Variants in PAPSS1 observed in about 807,000 individuals in gnomAD.
PAPSS1 encodes bifunctional 3'-phosphoadenosine 5'-phosphosulfate synthase 1.
PAPSS1 carries 50 observed loss-of-function variants against 72.0 expected under a neutral mutation model. The ratio of observed to expected loss-of-function variants is 0.69; its 90% CI spans 0.55 to 0.88. The LOEUF is 0.88. Among genes scored for constraint, PAPSS1 ranks in the 40% least tolerant of loss-of-function variants. PAPSS1 has a pLI of 0.00. For synonymous variants in PAPSS1, 261 were observed against 263.6 expected (o/e 0.99, Z 0.09); for missense variants, 657 against 782.2 (o/e 0.84, Z 1.91).
intron 10 of PAPSS1, among the ~76,000 whole-genome samples, chr4:107,632,105 G>A (rs188234602): frequency 6.6e-6 from 1 of 151,960 alleles, no homozygotes; most frequent in Non-Finnish European, 1.5e-5. Context: ...ATATATTTAT[G>A]TATTACTTAT....
At chr4:107,686,113 C>A (rs1466193956) in intron 4 of PAPSS1, among the ~76,000 whole-genome samples, 3 of 152,172 alleles carry the variant, frequency 2.0e-5, no homozygotes, top group Non-Finnish European at 1.5e-5. Flanking sequence ...AAGGCCAGAG[C>A]AGAGTTGGGT....
At chr4:107,657,830 T>A (rs1727061660) in intron 6 of PAPSS1, among the ~76,000 whole-genome samples, 2 of 152,060 alleles carry the variant, frequency 1.3e-5, no homozygotes, top group South Asian at 4.1e-4. Flanking sequence ...TCATAAATCA[T>A]CAGGGAAATG....
chr4:107,638,732 T>C (rs924587741), intron 10 of PAPSS1, among the ~76,000 whole-genome samples: 3 of 152,180 alleles, frequency 2.0e-5, no homozygotes, highest in Admixed American at 6.5e-5. Flanking sequence ...CATGAGGTCC[T>C]TCAACAGGGT....
intron 11 of PAPSS1, among the ~76,000 whole-genome samples, chr4:107,614,858 G>C (rs1034811776): frequency 6.6e-6 from 1 of 152,030 alleles, no homozygotes. Context: ...AGCTGTCACA[G>C]AACACTTCCA....
rs538858595 is a variant in PAPSS1 at position 107,703,142 on chromosome 4, G to A, written c.61-1857C>T. Among the ~76,000 whole-genome samples the A allele has an allele frequency of 4.6e-5, 7 of 152,224 alleles. No individual in the cohort carries two copies. The East Asian group carries it at 7.7e-4, about 17-fold the overall frequency. On this transcript the variant is annotated intron_variant, in intron 1 of 11. Coordinates refer to ENST00000265174, the MANE Select transcript of PAPSS1 (RefSeq NM_005443.5). The stretch of plus-strand genomic sequence containing the variant: ...AAGTTGAGCCTTTTTTCATATACCT[G>A]TTGGCTATTTGTCTATCTTCCTTTT...
At chr4:107,713,533 G>A (rs1012116231) in intron 1 of PAPSS1, among the ~76,000 whole-genome samples, 1 of 152,076 alleles carries the variant, frequency 6.6e-6, no homozygotes, top group African/African-American at 2.4e-5. Context: ...GTCGAGGTGG[G>A]CAGATCACGA....
At chr4:107,614,479 CTT>C (rs1725769406) in intron 11 of PAPSS1, 92 bp from the exon 12 acceptor site, 6 of 939,998 alleles carry the variant, frequency 6.4e-6, no homozygotes, top group South Asian at 1.8e-5. Context: ...ATTAGACAAA[CTT>C]AATGAAAAAA....
rs957878292 is a variant in PAPSS1, at chr4:107,659,974, T to C, written c.768A>G (p.Ala256=). The C allele has an allele frequency of 1.3e-6, 2 of 1,585,178 alleles. No homozygotes were observed. Among genetic ancestry groups the C allele is most frequent in the Middle Eastern group, 1.7e-4 (1 of 5,814 alleles). Residue 256 remains alanine, a synonymous_variant, in exon 6 of 12, where the codon GCA becomes GCG. Coordinates refer to ENST00000265174, the MANE Select transcript of PAPSS1 (RefSeq NM_005443.5). The part of the protein sequence containing the change: ...LAKTDAETLP[A]LKINKVDMQW... ...AAGAACTTACTTTATTAATTTTCAG[T>C]GCTGGTAATGTTTCCGCATCTGTTT...
At chr4:107,702,373 T>C (rs1723226580) in intron 1 of PAPSS1, among the ~76,000 whole-genome samples, 1 of 152,210 alleles carries the variant, frequency 6.6e-6, no homozygotes, top group Non-Finnish European at 1.5e-5. Flanking sequence ...TACATACATA[T>C]GTCCACAGCA....
intron 3 of PAPSS1, among the ~76,000 whole-genome samples, chr4:107,687,868 C>T (rs1243415411): frequency 1.3e-5 from 2 of 152,020 alleles, no homozygotes; most frequent in Non-Finnish European, 2.9e-5. Context: ...GCAATTTCTA[C>T]CATCCTTTTT....
At chr4:107,637,625 T>C (rs1726422795) in intron 10 of PAPSS1, among the ~76,000 whole-genome samples, 1 of 152,228 alleles carries the variant, frequency 6.6e-6, no homozygotes, top group South Asian at 2.1e-4. Context: ...CTTATTTCTT[T>C]ATATCTTCAC....
chr4:107,652,700 T>C (rs929049859), intron 9 of PAPSS1, among the ~76,000 whole-genome samples: 5 of 152,164 alleles, frequency 3.3e-5, no homozygotes, highest in African/African-American at 1.2e-4. Flanking sequence ...CTGCGATAAA[T>C]GACATTGATA....
rs1285653396 is a variant in PAPSS1, at chr4:107,649,403, T to C, written c.1237+4088A>G. On this transcript the variant is annotated intron_variant, in intron 9 of 11. Transcript: ENST00000265174. Reference sequence around the variant, plus strand: ...TCACCCCTTTGGGACTGGCTAACACTACCCAATGCCACTAGTCCCTGGAAC... The same window carrying C: ...TCACCCCTTTGGGACTGGCTAACACCACCCAATGCCACTAGTCCCTGGAAC... 2.6e-5 allele frequency among the ~76,000 whole-genome samples: 4 copies of C among 152,240 alleles called. No homozygotes were observed. In the South Asian group the frequency reaches 6.2e-4, roughly 24 times the overall value.
intron 10 of PAPSS1, among the ~76,000 whole-genome samples, chr4:107,643,035 T>C (rs1244596313): frequency 6.6e-6 from 1 of 152,036 alleles, no homozygotes; most frequent in Non-Finnish European, 1.5e-5. Context: ...CAAACATCCA[T>C]CAACAATATT....
intron 5 of PAPSS1, among the ~76,000 whole-genome samples, chr4:107,668,618 A>G (rs556050056): frequency 5.3e-5 from 8 of 152,226 alleles, no homozygotes; most frequent in Middle Eastern, 3.4e-3. Context: ...CTAGCCTCCC[A>G]GCCTACATCT....
chr4:107,701,305 A>G lies in PAPSS1; in HGVS notation c.61-20T>C, dbSNP rs563030007. ...CATTCCCTAGAAAAAAAAGAAAAAA[A>G]AAATTCTAGTTTACATGAGTCCTTT... is the stretch of plus-strand genomic sequence containing the variant. On this transcript the variant is annotated intron_variant, in intron 1 of 11. Transcript: ENST00000265174. 2.3e-5 allele frequency: 36 copies of G among 1,559,734 alleles called. No individual in the cohort carries two copies. The South Asian group carries it at 3.7e-4, about 16-fold the overall frequency.
At position 107,660,077 on chromosome 4, in the gene PAPSS1, A is replaced by AT; in HGVS notation, c.670-6dup. The AT allele has an allele frequency of 7.6e-7, 1 of 1,314,638 alleles. No individual in the cohort carries two copies. The allele number at this position is 1,314,638 out of a possible 1,614,324, so 81.4% of individuals were successfully genotyped here. On this transcript the variant is annotated splice_polypyrimidine_tract_variant and splice_region_variant and intron_variant, in intron 5 of 11. Coordinates refer to ENST00000265174, the MANE Select transcript of PAPSS1 (RefSeq NM_005443.5). Reference sequence around the variant, plus strand: ...TGCATCCACAGGTACAATATCCTATATAACAACAGGAGTACAATTTAAATG... The same window carrying AT: ...TGCATCCACAGGTACAATATCCTATATTAACAACAGGAGTACAATTTAAATG...
At chr4:107,711,306 T>C (rs949600798) in intron 1 of PAPSS1, among the ~76,000 whole-genome samples, 1 of 152,244 alleles carries the variant, frequency 6.6e-6, no homozygotes, top group African/African-American at 2.4e-5. Context: ...CTGATATTTG[T>C]GGTATGCATT....
intron 5 of PAPSS1, among the ~76,000 whole-genome samples, chr4:107,665,203 T>C (rs1397755895): frequency 1.3e-5 from 2 of 152,198 alleles, no homozygotes; most frequent in Non-Finnish European, 2.9e-5. Flanking sequence ...ACAAAAGGAC[T>C]CAGTCTCTTA....
Sources: gnomAD v4.1 joint callset for allele counts (sites outside exome capture counted in the v4.1 genomes callset) on GRCh38, gnomAD v4.1.1 for gene constraint, MANE v1.5 for transcripts, NCBI Gene and HGNC (gene_info 2026-07-23, HGNC 2026-07-21) for gene names.